FGFR1: variants seen among roughly 807,000 people sequenced by gnomAD.
FGFR1 encodes fibroblast growth factor receptor 1, also known as FGFR1/PLAG1 fusion.
Under a neutral mutation model 93.7 loss-of-function variants are expected in FGFR1, and 18 were observed. The ratio of observed to expected loss-of-function variants is 0.19; its 90% CI spans 0.13 to 0.28. FGFR1 has a LOEUF of 0.28. Among genes scored for constraint, FGFR1 ranks in the 10% least tolerant of loss-of-function variants. The pLI is 1.00. For synonymous variants in FGFR1, 448 were observed against 429.3 expected, an observed-to-expected ratio of 1.04 and a Z score of -0.54; for missense variants, 731 against 1,080.4, an observed-to-expected ratio of 0.68 and a Z score of 4.53.
chr8:38,459,170 TG>T (rs1833760670), intron 1 of FGFR1, among the ~76,000 whole-genome samples: 1 of 152,186 alleles, frequency 6.6e-6, no homozygotes, highest in Non-Finnish European at 1.5e-5. Context: ...CAAGGCTACG[TG>T]GGGGTGACCA....
chr8:38,457,337 C>A lies in FGFR1; in HGVS notation c.91+19G>T, dbSNP rs1353752166. 1 of 1,609,844 alleles carries A rather than the reference C, an allele frequency of 6.2e-7. No homozygotes were observed. The highest frequency in any genetic ancestry group is 1.7e-5 in the Admixed American group (1 of 60,008). ...TCCCAAGGCCCAGGAGTCCAGGCTG[C>A]CCCCAGCCAGCACCTTACCTTGTTC... On this transcript the variant is annotated intron_variant, in intron 2 of 17. Transcript: ENST00000447712.
At position 38,415,779 on chromosome 8, in the gene FGFR1, G is replaced by A. The variant is rs538048749; in HGVS notation, c.1854+91C>T. The A allele has an allele frequency of 3.1e-5, 40 of 1,308,616 alleles. No individual in the cohort carries two copies. The African/African-American group carries it at 3.2e-4, about 10-fold the overall frequency. 81.1% of individuals were successfully genotyped at this position (1,308,616 alleles called of 1,614,324 possible). A position where few individuals can be genotyped will look rare whatever the true frequency, so the allele number is the denominator to read the frequency against. ...GGCCAGTGCTCAGTGCATCCACAAC[G>A]CCACCACAAGATGATAAGTCACAGG... On this transcript the variant is annotated intron_variant, in intron 13 of 17. Coordinates refer to ENST00000447712, the MANE Select transcript of FGFR1 (RefSeq NM_023110.3).
In FGFR1 at chr8:38,413,455, G is replaced by C; in HGVS notation, c.*173C>G. On this transcript the variant is annotated 3_prime_UTR_variant, in exon 18 of 18. Transcript: ENST00000447712. The surrounding 1 kb of genome is among the most constrained non-coding windows in gnomAD (Gnocchi z 4.2). ...CACCAGCAGGTGGAGAGGAGGTGGAGGGAGAGGTGAGCTGAGTGGGGTGAA... is the reference window on the plus strand; with the variant it reads ...CACCAGCAGGTGGAGAGGAGGTGGACGGAGAGGTGAGCTGAGTGGGGTGAA... 1 of 642,656 alleles carries C rather than the reference G, an allele frequency of 1.6e-6. No individual in the cohort carries two copies. The highest frequency in any genetic ancestry group is 2.0e-5 in the South Asian group (1 of 50,520). 39.8% of individuals were successfully genotyped at this position (642,656 alleles called of 1,614,324 possible).
At chr8:38,448,426 C>T (rs185709135) in intron 2 of FGFR1, among the ~76,000 whole-genome samples, 74 of 152,236 alleles carry the variant, frequency 4.9e-4, no homozygotes, top group Middle Eastern at 3.4e-3. Context: ...ATTATAGGTG[C>T]GTGCCACCAC....
In FGFR1 at chr8:38,417,328, C is replaced by T. The variant is rs2150626043; in HGVS notation, c.1641G>A (p.Leu547=). ...MIGKHKNIIN[L]LGACTQDGPL... ...CACCATCCTGCGTGCAGGCCCCCAG[C>T]AGGTTGATGATATTCTTATGCTTCC... The change falls in exon 12 of 18, where the codon CTG becomes CTA. Residue 547 remains leucine (L), a synonymous_variant. Coordinates refer to ENST00000447712, the MANE Select transcript of FGFR1 (RefSeq NM_023110.3). 1 of 1,613,702 alleles carries T rather than the reference C, an allele frequency of 6.2e-7. No individual in the cohort carries two copies. The highest frequency in any genetic ancestry group is 8.5e-7 in the Non-Finnish European group (1 of 1,180,010).
At position 38,414,638 on chromosome 8, in the gene FGFR1, A is replaced by G. The variant is rs1187148943; in HGVS notation, c.1978-9T>C. On this transcript the variant is annotated splice_polypyrimidine_tract_variant and intron_variant, in intron 14 of 17. Transcript: ENST00000447712. ...TTCACAGGCAGTCGGCCCTGAAAGC[A>G]GCACAGGGGAGGTTGGAGTGGCCCC... 6.2e-7 allele frequency: 1 copy of G among 1,613,772 alleles called. No individual in the cohort carries two copies. Among genetic ancestry groups the G allele is most frequent in the Admixed American group, 1.7e-5 (1 of 60,014 alleles).
intron 2 of FGFR1, among the ~76,000 whole-genome samples, chr8:38,448,726 G>A (rs941031061): frequency 1.1e-4 from 16 of 152,000 alleles, no homozygotes; most frequent in African/African-American, 3.1e-4. Flanking sequence ...AGGCTGAGGC[G>A]GGTGGATCAC....
In FGFR1 at chr8:38,433,413, C is replaced by G. The variant is rs150669157; in HGVS notation, c.92-3465G>C. 5.0e-3 allele frequency among the ~76,000 whole-genome samples: 766 copies of G among 152,208 alleles called. 29 individuals carry two copies. Among genetic ancestry groups the G allele is most frequent in the Admixed American group, 0.044 (675 of 15,280 alleles). On this transcript the variant is annotated intron_variant, in intron 2 of 17. Transcript: ENST00000447712. ...GCAACTTCTGCCTCCCAGGTTCAAG[C>G]CATTTTCCCACTTCAGCCTCTGGAG...
chr8:38,422,780 C>T, intron 7 of FGFR1: 1 of 494,102 alleles, frequency 2.0e-6, no homozygotes, highest in Non-Finnish European at 3.6e-6. Flanking sequence ...AACCGTGTCC[C>T]CGTGAGTCCT....
Position 38,418,337 on chromosome 8 carries a change from C to T in FGFR1, c.1321G>A (p.Val441Ile), listed in dbSNP as rs778861510. The T allele has an allele frequency of 6.2e-6, 10 of 1,614,160 alleles. No individual in the cohort carries two copies. In the South Asian group the frequency reaches 1.1e-4, roughly 18 times the overall value. The change falls in exon 10 of 18, where the codon GTT (valine) becomes ATT (isoleucine). Residue 441 changes from valine to isoleucine, a missense_variant. Val to Ile is a conservative substitution (Grantham distance 29, BLOSUM62 3). Around this residue, in one of 10 missense-constraint regions of FGFR1, gnomAD observed 146 missense variants for 173.0 expected, o/e 0.84. Coordinates refer to ENST00000447712, the MANE Select transcript of FGFR1 (RefSeq NM_023110.3). The stretch of plus-strand genomic sequence containing the variant: ...AGCCGTGATGGCCGAACCAGAAGAA[C>T]CCCAGAGTTCATGGATGCACTGGAG... ...ADSSASMNSG[V>I]LLVRPSRLSS... is the part of the protein sequence containing the mutation.
At chr8:38,440,246 G>T in intron 2 of FGFR1, 1 of 1,432,616 alleles carries the variant, frequency 7.0e-7, no homozygotes, top group Non-Finnish European at 9.6e-7. Context: ...GGCTCCGGGG[G>T]CCCTCTGCAG....
chr8:38,437,107 T>C (rs942917624), intron 2 of FGFR1, among the ~76,000 whole-genome samples: 5 of 152,172 alleles, frequency 3.3e-5, no homozygotes, highest in African/African-American at 1.2e-4. Flanking sequence ...CTTGAACTCC[T>C]GAACTTAAGT....
chr8:38,432,911 C>CT, intron 2 of FGFR1, among the ~76,000 whole-genome samples: 1 of 132,786 alleles, frequency 7.5e-6, no homozygotes, highest in Non-Finnish European at 1.7e-5. Context: ...CCACCGCGCC[C>CT]CCCCCCCTCC....
At chr8:38,416,448 ATTTTTTT>A (rs57944426) in intron 12 of FGFR1, among the ~76,000 whole-genome samples, 11 of 80,932 alleles carry the variant, frequency 1.4e-4, no homozygotes, top group African/African-American at 2.6e-4. Context: ...TGCCTGGCTA[ATTTTTTT>A]TTTTTTTTTT....
At chr8:38,417,535 C>T (rs986809896) in intron 11 of FGFR1, 119 bp from the exon 12 acceptor site, 2 of 879,554 alleles carry the variant, frequency 2.3e-6, no homozygotes, top group Non-Finnish European at 3.7e-6. Flanking sequence ...CTCTCCTCCC[C>T]ACTTCATCCA....
In FGFR1 at chr8:38,428,353, G is replaced by A. The variant is rs747047249; in HGVS notation, c.441C>T (p.Asn147=). The A allele has an allele frequency of 3.1e-6, 5 of 1,614,012 alleles. No individual in the cohort carries two copies. Among genetic ancestry groups the A allele is most frequent in the Non-Finnish European group, 4.2e-6 (5 of 1,179,852 alleles). ...EEKETDNTKP[N]RMPVAPYWTS... ...TAGGAAACAGTGTCTCACGCATACG[G>A]TTTGGTTTGGTGTTATCTGTTTCTT... Residue 147 remains asparagine, a synonymous_variant, in exon 4 of 18, where the codon AAC becomes AAT. Coordinates refer to ENST00000447712, the MANE Select transcript of FGFR1 (RefSeq NM_023110.3).
chr8:38,456,716 G>A (rs1248765094), intron 2 of FGFR1, among the ~76,000 whole-genome samples: 2 of 152,172 alleles, frequency 1.3e-5, no homozygotes, highest in East Asian at 1.9e-4. Context: ...GACTAGCAGC[G>A]TGCACCATCA....
At chr8:38,447,440 A>G (rs920838008) in intron 2 of FGFR1, among the ~76,000 whole-genome samples, 4 of 152,158 alleles carry the variant, frequency 2.6e-5, no homozygotes, top group African/African-American at 9.7e-5. Context: ...GAATCATTGT[A>G]AAAATGGGAA....
chr8:38,460,559 T>A (rs558052080), intron 1 of FGFR1, among the ~76,000 whole-genome samples: 1 of 152,276 alleles, frequency 6.6e-6, no homozygotes, highest in East Asian at 1.9e-4. Context: ...CTCTCTCAGC[T>A]CCCTGGTCAA....
Sources: allele counts gnomAD v4.1 joint callset (sites outside exome capture counted in the v4.1 genomes callset), GRCh38; gene constraint gnomAD v4.1.1; regional missense constraint gnomAD v4.1.1; non-coding constraint Gnocchi (gnomAD v3.1); transcripts MANE v1.5; gene names NCBI Gene and HGNC (gene_info 2026-07-23, HGNC 2026-07-21).